Variants in SCAI observed in about 807,000 individuals in gnomAD.
SCAI encodes suppressor of cancer cell invasion.
A neutral mutation model predicts 92.2 loss-of-function variants in SCAI; 24 were observed. The ratio of observed to expected loss-of-function variants is 0.26; its 90% CI spans 0.19 to 0.37. SCAI has a LOEUF of 0.37. Among genes scored for constraint, SCAI ranks in the 10% least tolerant of loss-of-function variants. The pLI is 1.00. For synonymous variants in SCAI, 261 were observed against 258.6 expected (o/e 1.01, Z -0.09); for missense variants, 450 against 736.2 (o/e 0.61, Z 4.50).
At chr9:125,107,969 T>G (rs1834837101) in intron 2 of SCAI, among the ~76,000 whole-genome samples, 1 of 152,172 alleles carries the variant, frequency 6.6e-6, no homozygotes, top group Non-Finnish European at 1.5e-5. Context: ...ACCCCTGCGA[T>G]TGCAGGCGCG....
At chr9:125,039,430 T>C (rs971291865) in intron 3 of SCAI, among the ~76,000 whole-genome samples, 1 of 139,012 alleles carries the variant, frequency 7.2e-6, no homozygotes, top group African/African-American at 2.7e-5. Context: ...AAGAAAGAAA[T>C]AGCAATCTGG....
chr9:124,966,178 T>C (rs1659746357), intron 17 of SCAI, among the ~76,000 whole-genome samples: 1 of 151,794 alleles, frequency 6.6e-6, no homozygotes, highest in South Asian at 2.1e-4. Context: ...GCTGCACCCA[T>C]TAACTTGTCA....
chr9:124,968,754 T>C, intron 17 of SCAI: 1 of 1,141,434 alleles, frequency 8.8e-7, no homozygotes. Flanking sequence ...GCCATGGAGG[T>C]TCAAACTGGC....
intron 14 of SCAI, among the ~76,000 whole-genome samples, chr9:124,980,928 T>C (rs1831872212): frequency 6.6e-6 from 1 of 152,182 alleles, no homozygotes; most frequent in Non-Finnish European, 1.5e-5. Flanking sequence ...TATAATTAAA[T>C]TTTAGGCCTG....
In SCAI at chr9:125,026,917, G is replaced by T; in HGVS notation, c.414-7C>A. 2 of 1,517,466 alleles carry T rather than the reference G, an allele frequency of 1.3e-6. No homozygotes were observed. The highest frequency in any genetic ancestry group is 2.3e-5 in the East Asian group (1 of 44,052). 94.0% of individuals were successfully genotyped at this position (1,517,466 alleles called of 1,614,324 possible). A position where few individuals can be genotyped will look rare whatever the true frequency, so the allele number is the denominator to read the frequency against. Reference sequence around the variant, plus strand: ...GGTTTCCGATGTGCGTAAGCTATGAGAAAAAATATATTTTTAAATATGACA... The same window carrying T: ...GGTTTCCGATGTGCGTAAGCTATGATAAAAAATATATTTTTAAATATGACA... On this transcript the variant is annotated splice_polypyrimidine_tract_variant and splice_region_variant and intron_variant, in intron 5 of 17. Coordinates refer to ENST00000336505, the MANE Select transcript of SCAI (RefSeq NM_001144877.3).
chr9:125,017,737 G>A (rs538112403), intron 9 of SCAI, among the ~76,000 whole-genome samples: 31 of 152,170 alleles, frequency 2.0e-4, no homozygotes, highest in African/African-American at 7.2e-4. Context: ...GGCCAAGTGC[G>A]GTGGCTCACA....
intron 3 of SCAI, among the ~76,000 whole-genome samples, chr9:125,053,041 A>T (rs1221255838): frequency 6.6e-6 from 1 of 152,186 alleles, no homozygotes; most frequent in Non-Finnish European, 1.5e-5. Context: ...TATATGACCC[A>T]GGAATTCTAC....
intron 2 of SCAI, among the ~76,000 whole-genome samples, chr9:125,095,905 A>T (rs1024628172): frequency 1.2e-4 from 18 of 152,192 alleles, no homozygotes; most frequent in Non-Finnish European, 5.9e-5. Context: ...AGAAAGAATT[A>T]AACCCCAATC....
chr9:125,115,693 C>T (rs951002911), intron 2 of SCAI, among the ~76,000 whole-genome samples: 1 of 151,910 alleles, frequency 6.6e-6, no homozygotes, highest in Non-Finnish European at 1.5e-5. Flanking sequence ...CATATCCAGT[C>T]ACTTAAATAA....
At chr9:124,960,592 G>A (rs1831417820) in intron 17 of SCAI, among the ~76,000 whole-genome samples, 1 of 152,194 alleles carries the variant, frequency 6.6e-6, no homozygotes, top group Non-Finnish European at 1.5e-5. Context: ...TACTGTGTGA[G>A]TCAAGTTCAC....
rs963053626 is a variant in SCAI at position 124,992,487 on chromosome 9, G to A, written c.1326+2447C>T. 5.3e-5 allele frequency among the ~76,000 whole-genome samples: 8 copies of A among 151,666 alleles called. No individual in the cohort carries two copies. In the East Asian group the frequency reaches 1.2e-3, roughly 22 times the overall value. On this transcript the variant is annotated intron_variant, in intron 14 of 17. Transcript: ENST00000336505. ...AAACCTCCATCTCCCGGGTTCAAGC[G>A]ATTCTCCTGCCTCAGCCTCCCAAGT... is the stretch of plus-strand genomic sequence containing the variant.
chr9:125,054,812 C>T (rs1163968804), intron 3 of SCAI, among the ~76,000 whole-genome samples: 1 of 152,114 alleles, frequency 6.6e-6, no homozygotes, highest in East Asian at 1.9e-4. Flanking sequence ...ATTCACAAAG[C>T]CTTTACAATG....
At chr9:125,128,701 C>T (rs952248902) in intron 2 of SCAI, among the ~76,000 whole-genome samples, 2 of 149,594 alleles carry the variant, frequency 1.3e-5, no homozygotes, top group African/African-American at 2.5e-5. Flanking sequence ...TGCAGTGAGC[C>T]GAGATTGTGC....
At chr9:125,038,235 C>T (rs386126) in intron 3 of SCAI, among the ~76,000 whole-genome samples, 66,059 of 151,908 alleles carry the variant, frequency 0.43, 14,843 homozygotes, top group Admixed American at 0.5. Flanking sequence ...CCAACAAGAC[C>T]CTACCTCAAA....
chr9:125,006,306 A>G (rs1311279829), intron 9 of SCAI, among the ~76,000 whole-genome samples: 1 of 152,182 alleles, frequency 6.6e-6, no homozygotes, highest in African/African-American at 2.4e-5. Flanking sequence ...ATTTGAGGCC[A>G]GGAGCTGGAG....
chr9:125,036,205 G>A (rs991228551), intron 3 of SCAI, among the ~76,000 whole-genome samples: 2 of 152,110 alleles, frequency 1.3e-5, no homozygotes, highest in Middle Eastern at 3.4e-3. Context: ...GAGTGGTAAC[G>A]TAAATTCAGA....
In SCAI at chr9:124,949,388, T is replaced by G; in HGVS notation, c.*3419A>C. 1 of 152,202 alleles carries G rather than the reference T, an allele frequency of 6.6e-6. No homozygotes were observed. The highest frequency in any genetic ancestry group is 1.9e-4 in the East Asian group (1 of 5,206). 9.4% of individuals were successfully genotyped at this position (152,202 alleles called of 1,614,324 possible). ...AAACAAAAAAACTATGTTTAAAACT[T>G]TCATAAAAAGAAAGAAAAGGCAAAG... On this transcript the variant is annotated 3_prime_UTR_variant, in exon 18 of 18. Coordinates refer to ENST00000336505, the MANE Select transcript of SCAI (RefSeq NM_001144877.3). This position sits in a 1 kb window ranked among gnomAD's most constrained non-coding sequence, Gnocchi z 4.0.
At chr9:125,035,292 CTGCA>C (rs1296942173) in intron 3 of SCAI, among the ~76,000 whole-genome samples, 5 of 151,926 alleles carry the variant, frequency 3.3e-5, no homozygotes, top group Admixed American at 2.0e-4. Flanking sequence ...GAGGTCGGGA[CTGCA>C]GTGAGCTGTG....
At chr9:125,142,524 G>T in intron 2 of SCAI, 109 bp downstream of exon 2, 1 of 781,466 alleles carries the variant, frequency 1.3e-6, no homozygotes, top group East Asian at 2.6e-5. Flanking sequence ...TTTAAAAGGG[G>T]GATAAATAAG....
Sources: allele counts gnomAD v4.1 joint callset (sites outside exome capture counted in the v4.1 genomes callset), GRCh38; gene constraint gnomAD v4.1.1; non-coding constraint Gnocchi (gnomAD v3.1); transcripts MANE v1.5; gene names NCBI Gene and HGNC (gene_info 2026-07-23, HGNC 2026-07-21).